The following SPAG1 variants were observed in gnomAD, a reference collection of about 807,000 sequenced individuals.
The protein encoded by SPAG1 is sperm associated antigen 1, also known as sperm-associated antigen 1.
Under a neutral mutation model 100.5 loss-of-function variants are expected in SPAG1, and 69 were observed. The ratio of observed to expected loss-of-function variants is 0.69; its 90% CI spans 0.57 to 0.84. SPAG1 has a LOEUF of 0.84. Among genes scored for constraint, SPAG1 ranks in the 40% least tolerant of loss-of-function variants. SPAG1 has a pLI of 0.00. For synonymous variants in SPAG1, 336 were observed against 411.6 expected (o/e 0.82, Z 2.22); for missense variants, 955 against 1,133.1 (o/e 0.84, Z 2.26).
At chr8:100,161,218 C>A (rs969803123) in intron 1 of SPAG1, among the ~76,000 whole-genome samples, 3 of 152,070 alleles carry the variant, frequency 2.0e-5, no homozygotes, top group Non-Finnish European at 4.4e-5. Context: ...GTGGCACGTG[C>A]CTGTAGTCCC....
At chr8:100,190,663 CTTTTT>C (rs758612610) in intron 8 of SPAG1, among the ~76,000 whole-genome samples, 2 of 111,802 alleles carry the variant, frequency 1.8e-5, no homozygotes, top group Non-Finnish European at 3.5e-5. Context: ...CTTTTTTTTT[CTTTTT>C]TTTTTTTTTT....
At chr8:100,162,207 A>T in intron 1 of SPAG1, 72 bp from the exon 2 acceptor site, 1 of 1,231,700 alleles carries the variant, frequency 8.1e-7, no homozygotes, top group African/African-American at 1.6e-5. Context: ...AGAAGTACCT[A>T]CATGGTTACC....
At position 100,240,572 on chromosome 8, in the gene SPAG1, G is replaced by A. The variant is rs1394588810; in HGVS notation, c.2450G>A (p.Ser817Asn). 1 of 1,614,068 alleles carries A rather than the reference G, an allele frequency of 6.2e-7. No homozygotes were observed. Among genetic ancestry groups the A allele is most frequent in the Non-Finnish European group, 8.5e-7 (1 of 1,179,978 alleles). The change falls in exon 18 of 19, where the codon AGT becomes AAT. Residue 817 changes from serine to asparagine, a missense_variant. By Grantham distance (46) the Ser-to-Asn change is conservative (BLOSUM62 1). Transcript: ENST00000388798. ...TTTGGTCAGATTATAAATGCTCTCA[G>A]TACCAGGAAGGATAAAGAAGCCTGT... The part of the protein sequence containing the change: ...YEFGQIINAL[S>N]TRKDKEACAH...
At position 100,225,456 on chromosome 8, in the gene SPAG1, A is replaced by T. The variant is rs190473737; in HGVS notation, c.1855+117A>T. 3 of 885,560 alleles carry T rather than the reference A, an allele frequency of 3.4e-6. No individual in the cohort carries two copies. In the African/African-American group the frequency reaches 5.0e-5, roughly 15 times the overall value. The allele number at this position is 885,560 out of a possible 1,614,324, so 54.9% of individuals were successfully genotyped here. ...TAGAATCAGACCTAGGTTTAAGTGA[A>T]GTCCCTGTTCTCCCTATTTTATTAT... is the stretch of plus-strand genomic sequence containing the variant. On this transcript the variant is annotated intron_variant, in intron 14 of 18. Transcript: ENST00000388798.
chr8:100,224,919 T>C (rs1172838311), intron 13 of SPAG1, among the ~76,000 whole-genome samples: 1 of 152,234 alleles, frequency 6.6e-6, no homozygotes, highest in African/African-American at 2.4e-5. Context: ...ATTATGTATA[T>C]GTTAAAATTT....
At chr8:100,198,698 T>C (rs149211324) in intron 10 of SPAG1, among the ~76,000 whole-genome samples, 248 of 152,360 alleles carry the variant, frequency 1.6e-3, no homozygotes, top group African/African-American at 5.3e-3. Context: ...AGTATATTCA[T>C]GAAGTTGTAC....
At chr8:100,206,213 T>C (rs1042265880) in intron 10 of SPAG1, among the ~76,000 whole-genome samples, 9 of 152,222 alleles carry the variant, frequency 5.9e-5, no homozygotes, top group African/African-American at 1.9e-4. Context: ...TATGGTTTCA[T>C]TGCTTGAGCA....
At position 100,213,403 on chromosome 8, in the gene SPAG1, G is replaced by T. The variant is rs778049785; in HGVS notation, c.1410G>T (p.Ala470=). Residue 470 remains alanine, a synonymous_variant, in exon 11 of 19, where the codon GCG becomes GCT. Transcript: ENST00000388798. ...CCGAGGCGGCCGGCAAGTACTCGGC[G>T]GCAATCGCGCTCCTGGAGCCAGCAG... is the stretch of plus-strand genomic sequence containing the variant. ...QFAEAAGKYS[A]AIALLEPAGS... 7.0e-7 allele frequency: 1 copy of T among 1,438,172 alleles called. No individual in the cohort carries two copies. Among genetic ancestry groups the T allele is most frequent in the South Asian group, 1.4e-5 (1 of 71,740 alleles). 89.1% of individuals were successfully genotyped at this position (1,438,172 alleles called of 1,614,324 possible).
intron 8 of SPAG1, among the ~76,000 whole-genome samples, chr8:100,187,817 A>G (rs1207633976): frequency 2.0e-5 from 3 of 152,152 alleles, no homozygotes; most frequent in Non-Finnish European, 4.4e-5. Flanking sequence ...CTTTGTGGAT[A>G]TTTCCACCTA....
intron 2 of SPAG1, chr8:100,165,328 T>A: frequency 2.0e-6 from 1 of 509,372 alleles, no homozygotes; most frequent in South Asian, 1.5e-5. Flanking sequence ...CCATCATTGG[T>A]AATAATTGCA....
rs1222655970 is a variant in SPAG1, at chr8:100,165,864, A to G, written c.191A>G (p.His64Arg). 1.9e-6 allele frequency: 3 copies of G among 1,614,114 alleles called. No homozygotes were observed. Among genetic ancestry groups the G allele is most frequent in the Non-Finnish European group, 8.5e-7 (1 of 1,179,964 alleles). ...GAACTTACAGAATTTTGTGAAAAGC[A>G]TCTTCAAGCCTTGGCCCCTGAAAGC... The part of the protein sequence containing the change: ...YPELTEFCEK[H>R]LQALAPESRA... The change falls in exon 3 of 19, where the codon CAT becomes CGT. Residue 64 changes from histidine to arginine, a missense_variant. By Grantham distance (29) the His-to-Arg change is conservative. Coordinates refer to ENST00000388798, the MANE Select transcript of SPAG1 (RefSeq NM_003114.5).
chr8:100,218,776 A>T (rs182155883), intron 12 of SPAG1, among the ~76,000 whole-genome samples: 14 of 152,332 alleles, frequency 9.2e-5, no homozygotes, highest in African/African-American at 3.1e-4. Context: ...AGTAACTTCT[A>T]TGATATGCCA....
chr8:100,227,081 T>C (rs1419656488), intron 14 of SPAG1, among the ~76,000 whole-genome samples: 4 of 152,210 alleles, frequency 2.6e-5, no homozygotes, highest in African/African-American at 9.7e-5. Flanking sequence ...GGCTATACCA[T>C]CTAGGTTTGT....
At chr8:100,165,540 G>A in intron 2 of SPAG1, 1 of 383,184 alleles carries the variant, frequency 2.6e-6, no homozygotes, top group Non-Finnish European at 4.8e-6. Flanking sequence ...TTCCTCCACG[G>A]TGCCGGGGAC....
At chr8:100,228,410 C>CAA (rs71274969) in intron 14 of SPAG1, among the ~76,000 whole-genome samples, 72,526 of 129,162 alleles carry the variant, frequency 0.56, 20,471 homozygotes, top group Admixed American at 0.64. Context: ...CCATCTCTAC[C>CAA]AAAAAAAAAA....
chr8:100,241,053 A>G lies in SPAG1; in HGVS notation c.*31A>G, dbSNP rs560998449. 8.7e-6 allele frequency: 14 copies of G among 1,603,138 alleles called. No individual in the cohort carries two copies. The highest frequency in any genetic ancestry group is 1.7e-4 in the Middle Eastern group (1 of 5,990). Reference sequence around the variant, plus strand: ...GATAATTGTTAGATTTCTTCCATGCATGTATGTGTTCCAGGAATGTTAATG... The same window carrying G: ...GATAATTGTTAGATTTCTTCCATGCGTGTATGTGTTCCAGGAATGTTAATG... On this transcript the variant is annotated 3_prime_UTR_variant, in exon 19 of 19. Transcript: ENST00000388798. This position sits in a 1 kb window ranked among gnomAD's most constrained non-coding sequence, Gnocchi z 5.1.
rs540155567 is a variant in SPAG1, at chr8:100,199,532, G to A, written c.1096+5264G>A. Among the ~76,000 whole-genome samples the A allele has an allele frequency of 3.9e-5, 6 of 152,140 alleles. No individual in the cohort carries two copies. The South Asian group carries it at 1.0e-3, about 26-fold the overall frequency. ...ATGATCTTGGCTCACTACAACCTCC[G>A]CCTCCCAGGTTCAAGCAATTCTCCT... On this transcript the variant is annotated intron_variant, in intron 10 of 18. Transcript: ENST00000388798.
chr8:100,231,329 T>G, intron 15 of SPAG1, 41 bp downstream of exon 15: 1 of 1,293,114 alleles, frequency 7.7e-7, no homozygotes, highest in Non-Finnish European at 1.1e-6. Flanking sequence ...ATGTTAATAG[T>G]TTTGATTATT....
intron 2 of SPAG1, 46 bp downstream of exon 2, chr8:100,162,466 T>G (rs1235686647): frequency 6.9e-7 from 1 of 1,446,732 alleles, no homozygotes; most frequent in East Asian, 2.3e-5. Context: ...ACAGTTTTAA[T>G]TATCTTGTTG....
Sources: allele counts gnomAD v4.1 joint callset (sites outside exome capture counted in the v4.1 genomes callset), GRCh38; gene constraint gnomAD v4.1.1; non-coding constraint Gnocchi (gnomAD v3.1); transcripts MANE v1.5; gene names NCBI Gene and HGNC (gene_info 2026-07-23, HGNC 2026-07-21).